Variants in TATDN3 observed in about 807,000 individuals in gnomAD.
TATDN3 encodes deoxyribonuclease TATDN3.
A neutral mutation model predicts 40.1 loss-of-function variants in TATDN3; 29 were observed. That is an observed-to-expected ratio of 0.72 (90% confidence interval 0.54 to 0.99). The LOEUF (loss-of-function observed/expected upper bound fraction) is 0.99. Among genes scored for constraint, TATDN3 ranks in the 50% least tolerant of loss-of-function variants. The pLI is 0.00. For synonymous variants in TATDN3, 105 were observed against 117.0 expected (o/e 0.90, Z 0.66); for missense variants, 309 against 321.9 (o/e 0.96, Z 0.31).
At chr1:212,793,845 A>T (rs1661530339) in intron 1 of TATDN3, among the ~76,000 whole-genome samples, 1 of 152,146 alleles carries the variant, frequency 6.6e-6, no homozygotes, top group African/African-American at 2.4e-5. Flanking sequence ...GGAGGTGGGG[A>T]GGTCAGCAGA....
chr1:212,802,845 G>A (rs1294483252), intron 5 of TATDN3, 82 bp downstream of exon 5: 1 of 983,076 alleles, frequency 1.0e-6, no homozygotes, highest in Non-Finnish European at 1.6e-6. Flanking sequence ...TTCAGTATTG[G>A]TGATTATAAC....
intron 2 of TATDN3, 67 bp downstream of exon 2, chr1:212,795,194 T>C (rs1268935010): frequency 8.1e-7 from 1 of 1,236,560 alleles, no homozygotes; most frequent in Non-Finnish European, 1.2e-6. Context: ...CCAAAACAGC[T>C]TGAAATTTAG....
chr1:212,797,361 G>A (rs919165338), intron 4 of TATDN3, 165 bp downstream of exon 4: 10 of 591,886 alleles, frequency 1.7e-5, no homozygotes, highest in Admixed American at 6.1e-5. Flanking sequence ...TCGTAATAGA[G>A]AAAAAGTAGA....
chr1:212,813,589 A>C (rs1663022052), intron 9 of TATDN3, among the ~76,000 whole-genome samples: 1 of 141,004 alleles, frequency 7.1e-6, no homozygotes, highest in South Asian at 2.2e-4. Context: ...TTTTTGAGAC[A>C]GGGTCTACTC....
At chr1:212,793,429 GT>G (rs1357196764) in intron 1 of TATDN3, among the ~76,000 whole-genome samples, 1 of 152,020 alleles carries the variant, frequency 6.6e-6, no homozygotes, top group Non-Finnish European at 1.5e-5. Flanking sequence ...GTCCAGGCTG[GT>G]CTTGAACTTC....
chr1:212,813,837 A>G lies in TATDN3; in HGVS notation c.682-1176A>G, dbSNP rs138101387. 4.5e-3 allele frequency among the ~76,000 whole-genome samples: 690 copies of G among 152,028 alleles called. 3 individuals carry two copies. Among genetic ancestry groups the G allele is most frequent in the African/African-American group, 0.016 (666 of 41,490 alleles). On this transcript the variant is annotated intron_variant, in intron 9 of 9. Transcript: ENST00000366974. ...GCAATTCTCCTGCCTCAGCCTCCCT[A>G]GTAGCTGGGATTACAGGCTTGTGCC...
intron 5 of TATDN3, among the ~76,000 whole-genome samples, chr1:212,803,928 C>A (rs975940877): frequency 4.0e-5 from 6 of 151,858 alleles, no homozygotes; most frequent in African/African-American, 1.5e-4. Context: ...CCCAGCTACT[C>A]AGGAAGCTGA....
intron 8 of TATDN3, among the ~76,000 whole-genome samples, chr1:212,811,587 A>T (rs1352060200): frequency 6.6e-6 from 1 of 150,804 alleles, no homozygotes; most frequent in Non-Finnish European, 1.5e-5. Flanking sequence ...GTAAAAAATA[A>T]TTTTTTTTTG....
intron 7 of TATDN3, among the ~76,000 whole-genome samples, chr1:212,807,110 A>AT (rs1662586959): frequency 1.3e-5 from 2 of 150,804 alleles, no homozygotes; most frequent in South Asian, 4.2e-4. Flanking sequence ...CGCCCAGCTA[A>AT]TTTTTTTGTA....
Position 212,804,390 on chromosome 1 carries a change from T to C in TATDN3, c.392T>C (p.Ile131Thr), listed in dbSNP as rs570872947. 8 of 1,614,130 alleles carry C rather than the reference T, an allele frequency of 5.0e-6. No individual in the cohort carries two copies. The South Asian group carries it at 8.8e-5, about 18-fold the overall frequency. ...AAGGAAGAGCAAAGACAAGTCCTAA[T>C]CAGACAGATCCAGTTAGCCAAAAGA... ...EQKEEQRQVL[I>T]RQIQLAKRLN... Residue 131 changes from isoleucine to threonine, a missense_variant, in exon 6 of 10, where the codon ATC becomes ACC. Coordinates refer to ENST00000366974, the MANE Select transcript of TATDN3 (RefSeq NM_001042552.3).
intron 7 of TATDN3, among the ~76,000 whole-genome samples, chr1:212,806,797 CACATATAT>C (rs1207893216): frequency 2.6e-4 from 24 of 94,082 alleles, no homozygotes; most frequent in Middle Eastern, 5.6e-3. Context: ...CACACACACA[CACATATAT>C]ACACATATAT....
rs536966689 is a variant in TATDN3 at position 212,800,514 on chromosome 1, T to C, written c.259-2187T>C. On this transcript the variant is annotated intron_variant, in intron 4 of 9. Coordinates refer to ENST00000366974, the MANE Select transcript of TATDN3 (RefSeq NM_001042552.3). ...CTCTCCAGTTAGCTACTGTTTCTACTTGTTCCACTTTACTAATTTCTGTTA... is the reference window on the plus strand; with the variant it reads ...CTCTCCAGTTAGCTACTGTTTCTACCTGTTCCACTTTACTAATTTCTGTTA... 2.0e-5 allele frequency among the ~76,000 whole-genome samples: 3 copies of C among 152,216 alleles called. No individual in the cohort carries two copies. The South Asian group carries it at 6.2e-4, about 32-fold the overall frequency.
intron 7 of TATDN3, among the ~76,000 whole-genome samples, chr1:212,806,354 A>G (rs1354514289): frequency 6.9e-6 from 1 of 144,070 alleles, no homozygotes; most frequent in Non-Finnish European, 1.5e-5. Flanking sequence ...TTAAAATTGA[A>G]TATTTCTCTC....
At chr1:212,813,112 C>G (rs539355718) in intron 9 of TATDN3, among the ~76,000 whole-genome samples, 1 of 152,144 alleles carries the variant, frequency 6.6e-6, no homozygotes, top group South Asian at 2.1e-4. Context: ...GTTCATTTTT[C>G]TTCTTTTAAT....
intron 7 of TATDN3, 112 bp from the exon 8 acceptor site, chr1:212,807,624 C>T: frequency 2.9e-6 from 2 of 700,728 alleles, no homozygotes; most frequent in Non-Finnish European, 4.7e-6. Flanking sequence ...GTTATAGAAC[C>T]TCTTGTTTAT....
intron 8 of TATDN3, among the ~76,000 whole-genome samples, chr1:212,811,727 G>A (rs931030255): frequency 1.3e-5 from 2 of 150,772 alleles, no homozygotes; most frequent in Admixed American, 1.3e-4. Context: ...TTTTGAGATG[G>A]AGTCTTGCTC....
rs201809479 is a variant in TATDN3 at position 212,805,324 on chromosome 1, TG to T, written c.487+675del. ...AGGCTGGAGTGCAGTGGCGCAATCT[TG>T]GCTCACTGCAACCTCCACCTCCTGG... On this transcript the variant is annotated intron_variant, in intron 7 of 9. Transcript: ENST00000366974. Among the ~76,000 whole-genome samples the T allele has an allele frequency of 9.6e-4, 146 of 151,586 alleles. 2 individuals carry two copies. The East Asian group carries it at 0.024, about 25-fold the overall frequency.
chr1:212,798,636 C>G (rs10494955), intron 4 of TATDN3, among the ~76,000 whole-genome samples: 44,945 of 151,500 alleles, frequency 0.3, 8,417 homozygotes, highest in Non-Finnish European at 0.4. Flanking sequence ...ATAAAATTAG[C>G]TACATTGCCA....
chr1:212,793,069 G>A (rs1661467538), intron 1 of TATDN3: 1 of 152,236 alleles, frequency 6.6e-6, no homozygotes, highest in Non-Finnish European at 1.5e-5. Flanking sequence ...AAAAAGCTAA[G>A]TGGAGCCTGA....
Sources: gnomAD v4.1 joint callset for allele counts (sites outside exome capture counted in the v4.1 genomes callset) on GRCh38, gnomAD v4.1.1 for gene constraint, MANE v1.5 for transcripts, NCBI Gene and HGNC (gene_info 2026-07-23, HGNC 2026-07-21) for gene names.